Variants in VOPP1 observed in about 807,000 individuals in gnomAD.
VOPP1 encodes the protein WW domain binding protein VOPP1.
VOPP1 carries 8 observed loss-of-function variants against 23.5 expected under a neutral mutation model. The ratio of observed to expected loss-of-function variants is 0.34; its 90% CI spans 0.20 to 0.61. The LOEUF (loss-of-function observed/expected upper bound fraction) is 0.61, where lower values mean the gene tolerates loss of function less well. Ranked by LOEUF, VOPP1 falls within the 20% of genes least tolerant of loss-of-function variation. VOPP1 has a pLI of 0.78. For synonymous variants in VOPP1, 83 were observed against 97.3 expected (o/e 0.85, Z 0.86); for missense variants, 174 against 238.1 (o/e 0.73, Z 1.77).
chr7:55,465,446 G>A (rs569329359), intron 4 of VOPP1, among the ~76,000 whole-genome samples: 2 of 152,132 alleles, frequency 1.3e-5, no homozygotes, highest in African/African-American at 2.4e-5. Context: ...TTACATGATC[G>A]TAGTCTGAAA....
intron 2 of VOPP1, among the ~76,000 whole-genome samples, chr7:55,501,609 C>T (rs536313794): frequency 5.3e-5 from 8 of 152,318 alleles, no homozygotes; most frequent in South Asian, 2.1e-4. Flanking sequence ...ACCATTTTTA[C>T]GCCTAATTCT....
intron 2 of VOPP1, among the ~76,000 whole-genome samples, chr7:55,520,464 G>A (rs1795764507): frequency 6.6e-6 from 1 of 152,082 alleles, no homozygotes; most frequent in South Asian, 2.1e-4. Context: ...TACCACAGCA[G>A]ATATTACAAA....
intron 4 of VOPP1, among the ~76,000 whole-genome samples, chr7:55,448,230 C>G (rs1791149339): frequency 6.6e-6 from 1 of 152,030 alleles, no homozygotes. Context: ...CTCAGCAAAG[C>G]ATTATTTATA....
At chr7:55,461,764 A>G (rs1031040306) in intron 4 of VOPP1, among the ~76,000 whole-genome samples, 1 of 152,188 alleles carries the variant, frequency 6.6e-6, no homozygotes, top group African/African-American at 2.4e-5. Flanking sequence ...TTCCCATTCA[A>G]GGTTATTACT....
intron 1 of VOPP1, among the ~76,000 whole-genome samples, chr7:55,540,352 C>T (rs1379229208): frequency 1.3e-5 from 2 of 151,506 alleles, no homozygotes; most frequent in Non-Finnish European, 2.9e-5. Flanking sequence ...GAGCCGAGAT[C>T]GCGCTACTGC....
chr7:55,540,187 C>G (rs1001433666), intron 1 of VOPP1, among the ~76,000 whole-genome samples: 6 of 151,946 alleles, frequency 3.9e-5, no homozygotes, highest in Non-Finnish European at 8.8e-5. Context: ...ATCACGAGGT[C>G]AAGAGATCGA....
chr7:55,445,479 T>A (rs982300243), intron 4 of VOPP1, among the ~76,000 whole-genome samples: 1 of 152,220 alleles, frequency 6.6e-6, no homozygotes, highest in African/African-American at 2.4e-5. Flanking sequence ...TATTCAGTGT[T>A]CCCCCAATTG....
At chr7:55,520,911 G>A (rs780216736) in intron 2 of VOPP1, among the ~76,000 whole-genome samples, 161 bp downstream of exon 2, 23 of 152,220 alleles carry the variant, frequency 1.5e-4, no homozygotes, top group Non-Finnish European at 2.5e-4. Context: ...AGACACCACG[G>A]TGAGGTCACC....
chr7:55,569,133 T>TA (rs2129057862), intron 1 of VOPP1, among the ~76,000 whole-genome samples: 1 of 152,284 alleles, frequency 6.6e-6, no homozygotes, highest in Admixed American at 6.5e-5. Flanking sequence ...TCTGAGTTAA[T>TA]AGAAAAGAAA....
intron 1 of VOPP1, among the ~76,000 whole-genome samples, chr7:55,524,024 G>A (rs1358273120): frequency 6.6e-6 from 1 of 152,134 alleles, no homozygotes; most frequent in Admixed American, 6.5e-5. Flanking sequence ...TTAGGCCAGG[G>A]GCAACTAAGC....
intron 1 of VOPP1, among the ~76,000 whole-genome samples, chr7:55,548,433 C>CG (rs2129052971): frequency 6.6e-6 from 1 of 152,318 alleles, no homozygotes; most frequent in East Asian, 1.9e-4. Flanking sequence ...GGGGATACCC[C>CG]GGGGGATCCC....
chr7:55,561,932 A>G (rs1258083573), intron 1 of VOPP1: 1 of 702,896 alleles, frequency 1.4e-6, no homozygotes, highest in Non-Finnish European at 2.6e-6. Flanking sequence ...ACGGCAGTCA[A>G]AGGAATGGGA....
chr7:55,519,788 C>G (rs1045713107), intron 2 of VOPP1, among the ~76,000 whole-genome samples: 1 of 152,234 alleles, frequency 6.6e-6, no homozygotes, highest in African/African-American at 2.4e-5. Context: ...TTTACCCGCA[C>G]TCACAGATAC....
intron 1 of VOPP1, among the ~76,000 whole-genome samples, chr7:55,533,502 G>A (rs964552202): frequency 6.6e-6 from 1 of 152,208 alleles, no homozygotes; most frequent in Admixed American, 6.5e-5. Context: ...GACCGTGGTT[G>A]ACTGTGCTGT....
intron 2 of VOPP1, among the ~76,000 whole-genome samples, chr7:55,515,150 TG>T (rs1364908386): frequency 6.6e-6 from 1 of 152,170 alleles, no homozygotes. Flanking sequence ...GGCTGTAAGC[TG>T]GGTGGCCTCT....
chr7:55,471,760 A>G lies in VOPP1; in HGVS notation c.*1095T>C, dbSNP rs552537454. Reference sequence around the variant, plus strand: ...ACATGGTCAGTGCAGTTGAGTCAGTACTTCTCCTGTCTTTTCCCAGCAAGC... The same window carrying G: ...ACATGGTCAGTGCAGTTGAGTCAGTGCTTCTCCTGTCTTTTCCCAGCAAGC... On this transcript the variant is annotated 3_prime_UTR_variant, in exon 5 of 5. Coordinates refer to ENST00000285279, the MANE Select transcript of VOPP1 (RefSeq NM_030796.5). 20 of 151,638 alleles carry G rather than the reference A, an allele frequency of 1.3e-4. No homozygotes were observed. Among genetic ancestry groups the G allele is most frequent in the African/African-American group, 4.9e-4 (20 of 41,180 alleles). 9.4% of individuals were successfully genotyped at this position (151,638 alleles called of 1,614,324 possible).
intron 4 of VOPP1, among the ~76,000 whole-genome samples, chr7:55,480,265 C>T (rs1053156222): frequency 6.6e-6 from 1 of 152,162 alleles, no homozygotes; most frequent in South Asian, 2.1e-4. Flanking sequence ...TGTCTTCAAG[C>T]TCTTGCTTGC....
At chr7:55,561,442 G>C (rs1797981455) in intron 1 of VOPP1, among the ~76,000 whole-genome samples, 1 of 152,098 alleles carries the variant, frequency 6.6e-6, no homozygotes, top group South Asian at 2.1e-4. Flanking sequence ...CGGGCACGGT[G>C]ACTCATACCT....
chr7:55,461,500 CTCCTGGG>C (rs1234987996), intron 4 of VOPP1, among the ~76,000 whole-genome samples: 4 of 152,200 alleles, frequency 2.6e-5, no homozygotes, highest in African/African-American at 9.6e-5. Context: ...CCACCTCTGC[CTCCTGGG>C]TCCTGGTTCA....
Sources: gnomAD v4.1 joint callset for allele counts (sites outside exome capture counted in the v4.1 genomes callset) on GRCh38, gnomAD v4.1.1 for gene constraint, MANE v1.5 for transcripts, NCBI Gene and HGNC (gene_info 2026-07-23, HGNC 2026-07-21) for gene names.